CTBP2: variants seen among roughly 807,000 people sequenced by gnomAD.
CTBP2 encodes the protein C-terminal binding protein 2.
CTBP2 carries 30 observed loss-of-function variants against 80.3 expected under a neutral mutation model. That is an observed-to-expected ratio of 0.37 (90% CI 0.28 to 0.51). CTBP2 has a LOEUF of 0.51. Among genes scored for constraint, CTBP2 ranks in the 20% least tolerant of loss-of-function variants. CTBP2 has a pLI of 0.93. For missense variants in CTBP2, 1,212 were observed against 1,375.3 expected (o/e 0.88, Z 1.88); for synonymous variants, 594 against 587.4 (o/e 1.01, Z -0.16).
At chr10:124,998,455 G>C (rs911844037) in intron 3 of CTBP2, 6 of 463,670 alleles carry the variant, frequency 1.3e-5, no homozygotes, top group Admixed American at 3.5e-5. Context: ...GGCCTGACTG[G>C]CTTCCTCCTG....
intron 2 of CTBP2, among the ~76,000 whole-genome samples, chr10:125,053,823 G>A (rs1319229315): frequency 6.6e-6 from 1 of 152,126 alleles, no homozygotes; most frequent in African/African-American, 2.4e-5. Flanking sequence ...AGTTCCGAAG[G>A]GCAGGGCACT....
intron 2 of CTBP2, among the ~76,000 whole-genome samples, chr10:125,052,122 G>A (rs1365993258): frequency 6.6e-6 from 1 of 152,212 alleles, no homozygotes; most frequent in Admixed American, 6.5e-5. Flanking sequence ...ACCTATCGGT[G>A]GGGGTCTGCG....
intron 2 of CTBP2, among the ~76,000 whole-genome samples, chr10:125,043,230 C>T (rs1960342798): frequency 6.6e-6 from 1 of 152,164 alleles, no homozygotes; most frequent in Non-Finnish European, 1.5e-5. Context: ...CAAACTCCAA[C>T]ATATCCAGAA....
chr10:124,997,896 G>A (rs917394435), intron 4 of CTBP2, 68 bp downstream of exon 6: 163 of 1,523,006 alleles, frequency 1.1e-4, no homozygotes, highest in Non-Finnish European at 1.3e-4. Flanking sequence ...TGCCTTTCCC[G>A]AGGGGTCCCC....
intron 2 of CTBP2, among the ~76,000 whole-genome samples, chr10:125,057,922 A>G (rs1964271979): frequency 6.6e-6 from 1 of 152,132 alleles, no homozygotes; most frequent in Non-Finnish European, 1.5e-5. Context: ...TCCTGTCCAC[A>G]GGCCCCCAAG....
intron 2 of CTBP2, among the ~76,000 whole-genome samples, chr10:125,051,187 G>C (rs1261458164): frequency 6.6e-6 from 1 of 152,180 alleles, no homozygotes; most frequent in African/African-American, 2.4e-5. Flanking sequence ...TGGATCCCAA[G>C]TTTATGTCCC....
chr10:125,012,789 A>G (rs1452952220), intron 1 of CTBP2, among the ~76,000 whole-genome samples: 1 of 152,146 alleles, frequency 6.6e-6, no homozygotes, highest in Non-Finnish European at 1.5e-5. Context: ...CAAGTTGGCC[A>G]AGCAGGTCTC....
intron 2 of CTBP2, among the ~76,000 whole-genome samples, chr10:125,049,567 T>C (rs1962222408): frequency 6.6e-6 from 1 of 152,170 alleles, no homozygotes; most frequent in Non-Finnish European, 1.5e-5. Context: ...GAGGTTCCTC[T>C]GTACAACCCA....
chr10:125,058,321 G>A lies in CTBP2; in HGVS notation c.-101-19166C>T, dbSNP rs939888068. Among the ~76,000 whole-genome samples, 5 of 152,166 alleles carry A rather than the reference G, an allele frequency of 3.3e-5. No homozygotes were observed. In the East Asian group the frequency reaches 9.7e-4, roughly 29 times the overall value. ...CACGTGATACGATTGCACACACAGTGCTGCGTCCTCACAAGATGCCTCCTG... is the reference window on the plus strand; with the variant it reads ...CACGTGATACGATTGCACACACAGTACTGCGTCCTCACAAGATGCCTCCTG... On this transcript the variant is annotated intron_variant, in intron 2 of 10. Coordinates refer to the CTBP2 transcript ENST00000337195.
Position 124,984,462 on chromosome 10 carries a change from G to T in CTBP2, c.*5056C>A. 3.5e-6 allele frequency: 1 copy of T among 281,854 alleles called. No homozygotes were observed. The highest frequency in any genetic ancestry group is 2.2e-5 in the African/African-American group (1 of 45,910). 17.5% of individuals were successfully genotyped at this position (281,854 alleles called of 1,614,324 possible). ...TGACTAAGTAAACTTACCTTGTCAT[G>T]TGTTTGAAGCTGTGGCTTGCCAGGA... On this transcript the variant is annotated 3_prime_UTR_variant, in exon 9 of 9. Transcript: ENST00000309035.
At chr10:125,119,618 C>T (rs1165635795) in intron 1 of CTBP2, among the ~76,000 whole-genome samples, 1 of 152,196 alleles carries the variant, frequency 6.6e-6, no homozygotes, top group Non-Finnish European at 1.5e-5. Context: ...TATTTTAAAA[C>T]ATTCTTCAGT....
At chr10:125,073,795 G>A (rs75804465) in intron 2 of CTBP2, among the ~76,000 whole-genome samples, 12,721 of 152,194 alleles carry the variant, frequency 0.084, 585 homozygotes, top group Middle Eastern at 0.18. Flanking sequence ...GCATCTCTGC[G>A]TGCTGCCCCC....
chr10:125,126,440 T>C (rs1855263948), intron 1 of CTBP2, among the ~76,000 whole-genome samples: 1 of 152,216 alleles, frequency 6.6e-6, no homozygotes, highest in African/African-American at 2.4e-5. Context: ...CTGAACTCCG[T>C]TCCTAGCGTA....
intron 2 of CTBP2, among the ~76,000 whole-genome samples, chr10:125,045,700 A>G (rs566704849): frequency 1.6e-4 from 24 of 152,250 alleles, no homozygotes; most frequent in African/African-American, 5.8e-4. Flanking sequence ...CACGTTGGCC[A>G]GGCTGGTCTC....
rs1951992335 is a variant in CTBP2 at position 124,984,627 on chromosome 10, C to T, written c.*4891G>A. The T allele has an allele frequency of 2.7e-6, 2 of 743,152 alleles. No individual in the cohort carries two copies. Among genetic ancestry groups the T allele is most frequent in the Admixed American group, 3.1e-5 (1 of 31,878 alleles). 46.0% of individuals were successfully genotyped at this position (743,152 alleles called of 1,614,324 possible). A position where few individuals can be genotyped will look rare whatever the true frequency, so the allele number is the denominator to read the frequency against. ...AGCAAACTGGACTTTAATCACAAAA[C>T]TTCCAAGAGGTCAAAACCATGTGAA... is the stretch of plus-strand genomic sequence containing the variant. On this transcript the variant is annotated 3_prime_UTR_variant, in exon 9 of 9. Transcript: ENST00000309035.
At chr10:125,029,560 A>G (rs1957977092), upstream of CTBP2, among the ~76,000 whole-genome samples, 1 of 152,136 alleles carries the variant, frequency 6.6e-6, no homozygotes, top group African/African-American at 2.4e-5. Context: ...GCGCCTGGCC[A>G]GCGCCTCAGG....
intron 2 of CTBP2, among the ~76,000 whole-genome samples, chr10:125,075,721 T>C (rs946286778): frequency 5.3e-5 from 8 of 152,188 alleles, no homozygotes; most frequent in Admixed American, 6.5e-5. Context: ...CAGGAAAATA[T>C]AGATTAAAAC....
At chr10:125,115,458 G>C (rs1348934089) in intron 1 of CTBP2, among the ~76,000 whole-genome samples, 1 of 152,204 alleles carries the variant, frequency 6.6e-6, no homozygotes, top group Non-Finnish European at 1.5e-5. Context: ...CCCAAGTTCC[G>C]CAGGCCAGCA....
intron 1 of CTBP2, among the ~76,000 whole-genome samples, chr10:125,149,347 C>T (rs1157001084): frequency 6.6e-6 from 1 of 152,180 alleles, no homozygotes; most frequent in Non-Finnish European, 1.5e-5. Context: ...GATCCTGGCC[C>T]CACCACCCTC....
Sources: allele counts gnomAD v4.1 joint callset (sites outside exome capture counted in the v4.1 genomes callset), GRCh38; gene constraint gnomAD v4.1.1; transcripts MANE v1.5; gene names NCBI Gene and HGNC (gene_info 2026-07-23, HGNC 2026-07-21).